OR1L8: variants seen among roughly 807,000 people sequenced by gnomAD.
OR1L8 encodes olfactory receptor 1L8.
For synonymous variants in OR1L8, 148 were observed against 147.0 expected, an observed-to-expected ratio of 1.01 and a Z score of -0.05; for missense variants, 330 against 377.4, an observed-to-expected ratio of 0.87 and a Z score of 1.04.
At chr9:122,578,735 C>T (rs1391096858) in intron 1 of OR1L8, among the ~76,000 whole-genome samples, 1 of 152,028 alleles carries the variant, frequency 6.6e-6, no homozygotes, top group African/African-American at 2.4e-5. Flanking sequence ...TATGTTCTCA[C>T]TCATAAGTAG....
intron 3 of OR1L8, among the ~76,000 whole-genome samples, chr9:122,574,831 T>G (rs7863439): frequency 0.39 from 59,905 of 151,688 alleles, 12,311 homozygotes; most frequent in African/African-American, 0.44. Flanking sequence ...AGGATTTTTT[T>G]GGGGGTAGTT....
At chr9:122,575,690 G>C (rs1334118236) in intron 3 of OR1L8, among the ~76,000 whole-genome samples, 1 of 152,154 alleles carries the variant, frequency 6.6e-6, no homozygotes, top group East Asian at 1.9e-4. Flanking sequence ...TACATATAGA[G>C]AGTAAAGTGG....
chr9:122,552,097 A>T, the OR1L8 span, among the ~76,000 whole-genome samples: 1 of 144,014 alleles, frequency 6.9e-6, no homozygotes, highest in Non-Finnish European at 1.5e-5. Context: ...ACACACATAT[A>T]CACCTTCCTT....
chr9:122,582,574 G>A (rs1829750960), intron 1 of OR1L8, among the ~76,000 whole-genome samples: 1 of 151,708 alleles, frequency 6.6e-6, no homozygotes, highest in Admixed American at 6.6e-5. Context: ...AAAAAAATTA[G>A]CTGGGCATAG....
At chr9:122,555,494 G>A in the OR1L8 span, among the ~76,000 whole-genome samples, 5 of 152,158 alleles carry the variant, frequency 3.3e-5, no homozygotes, top group African/African-American at 9.7e-5. Context: ...GGCAAGTTTT[G>A]TGTTTGTGAA....
chr9:122,570,082 T>C (rs899044048), intron 4 of OR1L8, among the ~76,000 whole-genome samples: 1 of 149,462 alleles, frequency 6.7e-6, no homozygotes. Flanking sequence ...TCTATCATTG[T>C]TGGACATTTG....
chr9:122,553,271 C>T, the OR1L8 span: 3 of 1,613,974 alleles, frequency 1.9e-6, no homozygotes, highest in African/African-American at 1.3e-5. Context: ...TTCTAGGACT[C>T]TCTGAGTGGC....
In OR1L8 at chr9:122,567,928, G is replaced by A. The variant is rs1829463373; in HGVS notation, c.550C>T (p.Pro184Ser). Reference sequence around the variant, plus strand: ...GAAGAGCAGGACAATTTCAGCACAGGGCTGAGGTCACAGAGAAAGTGGTGG... The same window carrying A: ...GAAGAGCAGGACAATTTCAGCACAGAGCTGAGGTCACAGAGAAAGTGGTGG... ...VIHHFLCDLS[P>S]VLKLSCSSIF... The change falls in exon 5 of 5, where the codon CCT becomes TCT. Residue 184 changes from proline (P) to serine (S), a missense_variant. Transcript: ENST00000641027. 6.2e-7 allele frequency: 1 copy of A among 1,613,986 alleles called. No individual in the cohort carries two copies. Among genetic ancestry groups the A allele is most frequent in the East Asian group, 2.2e-5 (1 of 44,880 alleles).
At chr9:122,557,603 T>C in the OR1L8 span, among the ~76,000 whole-genome samples, 36 of 152,214 alleles carry the variant, frequency 2.4e-4, no homozygotes, top group Non-Finnish European at 3.7e-4. Context: ...TTGGATTCTA[T>C]TTGCTAAGTA....
At chr9:122,547,206 T>C in the OR1L8 span, among the ~76,000 whole-genome samples, 1 of 152,116 alleles carries the variant, frequency 6.6e-6, no homozygotes, top group East Asian at 1.9e-4. Flanking sequence ...TTTGTTTTAT[T>C]GTCTTTGATA....
At position 122,568,305 on chromosome 9, in the gene OR1L8, G is replaced by A; in HGVS notation, c.173C>T (p.Thr58Ile). The A allele has an allele frequency of 6.2e-7, 1 of 1,614,110 alleles. No individual in the cohort carries two copies. Among genetic ancestry groups the A allele is most frequent in the African/African-American group, 1.3e-5 (1 of 75,016 alleles). Residue 58 changes from threonine to isoleucine, a missense_variant, in exon 5 of 5, where the codon ACC becomes ATC. Coordinates refer to ENST00000641027, the MANE Select transcript of OR1L8 (RefSeq NM_001004454.2). ...AAAACTCAAGAAGAAATACATAGGG[G>A]TCTGAAGATGGGGGTTGAAGCGAAT... ...LAIRFNPHLQ[T>I]PMYFFLSFLS...
the OR1L8 span, among the ~76,000 whole-genome samples, chr9:122,559,612 A>G: frequency 7.9e-5 from 12 of 152,146 alleles, no homozygotes; most frequent in Admixed American, 3.9e-4. Context: ...TAGGTTGTTC[A>G]GTTTCCATGT....
At chr9:122,556,364 T>A in the OR1L8 span, among the ~76,000 whole-genome samples, 2 of 152,190 alleles carry the variant, frequency 1.3e-5, no homozygotes, top group East Asian at 3.9e-4. Context: ...TTGTCTTTCA[T>A]CCTTTGTCAA....
rs767032680 is a variant in OR1L8, at chr9:122,567,581, CT to C, written c.896del (p.Gln299ArgfsTer3). ...TCTTGCTCATAAGCTTCCTCAGGCC[CT>C]GTTTCAGGTCTTTGTTTCTCAGGCT... ...IYSLRNKDLK[Q>X]GLRKLMSKRS is the part of the protein sequence containing the mutation. On this transcript the variant is annotated frameshift_variant, in exon 5 of 5. Coordinates refer to ENST00000641027, the MANE Select transcript of OR1L8 (RefSeq NM_001004454.2). LOFTEE classifies it high-confidence loss of function. 6.2e-7 allele frequency: 1 copy of C among 1,602,196 alleles called. No individual in the cohort carries two copies. The highest frequency in any genetic ancestry group is 1.1e-5 in the South Asian group (1 of 88,308).
At chr9:122,574,550 C>G (rs1829608615) in intron 3 of OR1L8, among the ~76,000 whole-genome samples, 1 of 152,094 alleles carries the variant, frequency 6.6e-6, no homozygotes, top group Non-Finnish European at 1.5e-5. Flanking sequence ...GCATTTTGCA[C>G]TCTTGCTGTA....
At chr9:122,571,941 G>A (rs1829560684) in intron 4 of OR1L8, among the ~76,000 whole-genome samples, 1 of 152,106 alleles carries the variant, frequency 6.6e-6, no homozygotes, top group Non-Finnish European at 1.5e-5. Context: ...AAAGTAAAGA[G>A]GTTCAATTGC....
At chr9:122,578,610 T>C (rs1337746955) in intron 1 of OR1L8, among the ~76,000 whole-genome samples, 165 bp from the exon 2 acceptor site, 1 of 152,130 alleles carries the variant, frequency 6.6e-6, no homozygotes, top group Non-Finnish European at 1.5e-5. Context: ...TACCATGGAA[T>C]ACTATTTGGC....
chr9:122,568,631 C>A lies in OR1L8; in HGVS notation c.-154G>T. 1.8e-6 allele frequency: 1 copy of A among 563,854 alleles called. No individual in the cohort carries two copies. Among genetic ancestry groups the A allele is most frequent in the Non-Finnish European group, 3.1e-6 (1 of 322,778 alleles). The allele number at this position is 563,854 out of a possible 1,614,324, so 34.9% of individuals were successfully genotyped here. A position where few individuals can be genotyped will look rare whatever the true frequency, so the allele number is the denominator to read the frequency against. On this transcript the variant is annotated 5_prime_UTR_variant, in exon 5 of 5. Coordinates refer to ENST00000641027, the MANE Select transcript of OR1L8 (RefSeq NM_001004454.2). The stretch of plus-strand genomic sequence containing the variant: ...TGGGATGGCTTGTTCACCTCATGGT[C>A]CTTGATGGGGTCCTCCCTTCCCAAA...
intron 4 of OR1L8, among the ~76,000 whole-genome samples, chr9:122,568,966 G>T (rs374793989): frequency 1.1e-4 from 17 of 150,950 alleles, no homozygotes; most frequent in African/African-American, 3.9e-4. Context: ...TCAGACTGGG[G>T]GTATTTTAGA....
Sources: allele counts gnomAD v4.1 joint callset (sites outside exome capture counted in the v4.1 genomes callset), GRCh38; gene constraint gnomAD v4.1.1; transcripts MANE v1.5; gene names NCBI Gene and HGNC (gene_info 2026-07-23, HGNC 2026-07-21).